The following GRID1 variants were observed in gnomAD, a reference collection of about 807,000 sequenced individuals.
GRID1 encodes glutamate receptor ionotropic, delta-1.
A neutral mutation model predicts 98.0 loss-of-function variants in GRID1; 28 were observed. The ratio of observed to expected loss-of-function variants is 0.29; its 90% confidence interval spans 0.21 to 0.39. GRID1 has a LOEUF of 0.39. GRID1 is among the 10% of genes least tolerant of loss of function. The pLI is 1.00. For synonymous variants in GRID1, 553 were observed against 538.5 expected (o/e 1.03, Z -0.37); for missense variants, 1,111 against 1,340.5 (o/e 0.83, Z 2.67).
At chr10:85,975,975 C>A (rs1842467205) in intron 4 of GRID1, among the ~76,000 whole-genome samples, 1 of 152,158 alleles carries the variant, frequency 6.6e-6, no homozygotes, top group Admixed American at 6.5e-5. Flanking sequence ...CAGGAAGCCC[C>A]AGGAGAGCTC....
At chr10:86,352,393 A>G (rs1472885226) in intron 2 of GRID1, among the ~76,000 whole-genome samples, 1 of 152,214 alleles carries the variant, frequency 6.6e-6, no homozygotes, top group African/African-American at 2.4e-5. Flanking sequence ...CACCATAGAC[A>G]GGTGGATTAA....
At chr10:86,071,506 A>G (rs115392767) in intron 4 of GRID1, among the ~76,000 whole-genome samples, 110 of 152,336 alleles carry the variant, frequency 7.2e-4, no homozygotes, top group African/African-American at 2.5e-3. Flanking sequence ...AATAACTCAG[A>G]TTACAGCCTC....
chr10:86,250,356 G>A (rs529580466), intron 2 of GRID1, among the ~76,000 whole-genome samples: 31 of 152,280 alleles, frequency 2.0e-4, no homozygotes, highest in African/African-American at 6.5e-4. Flanking sequence ...CAGCCCCTCC[G>A]TTTCTACAGT....
chr10:86,060,565 T>C (rs1023669780), intron 4 of GRID1, among the ~76,000 whole-genome samples: 2 of 152,230 alleles, frequency 1.3e-5, no homozygotes, highest in Non-Finnish European at 2.9e-5. Context: ...GCCAGGATTA[T>C]AGCCCCATCT....
At chr10:85,849,931 C>T (rs1193557777) in intron 8 of GRID1, among the ~76,000 whole-genome samples, 2 of 152,176 alleles carry the variant, frequency 1.3e-5, no homozygotes, top group African/African-American at 2.4e-5. Flanking sequence ...TTGGTCCTAA[C>T]TTGATTCTAG....
rs140193050 is a variant in GRID1, at chr10:85,997,156, C to G, written c.727-80917G>C. On this transcript the variant is annotated intron_variant, in intron 4 of 15. Coordinates refer to ENST00000327946, the MANE Select transcript of GRID1 (RefSeq NM_017551.3). The stretch of plus-strand genomic sequence containing the variant: ...GTGGCTCACGCCTGTAATCTCAGCA[C>G]TTTGGGAGGCCGAAGAGGGTTGATC... 4.5e-3 allele frequency among the ~76,000 whole-genome samples: 682 copies of G among 152,266 alleles called. 7 individuals are homozygous for G. The highest frequency in any genetic ancestry group is 0.016 in the African/African-American group (659 of 41,560).
intron 12 of GRID1, among the ~76,000 whole-genome samples, chr10:85,677,996 A>G (rs1841164648): frequency 6.6e-6 from 1 of 152,182 alleles, no homozygotes; most frequent in Non-Finnish European, 1.5e-5. Flanking sequence ...TTTAACTGGC[A>G]CATGTACAGG....
At chr10:86,245,593 T>C (rs1846711810) in intron 2 of GRID1, among the ~76,000 whole-genome samples, 1 of 152,184 alleles carries the variant, frequency 6.6e-6, no homozygotes, top group Admixed American at 6.5e-5. Context: ...ACTCCATTCC[T>C]TGGTGGCCTC....
intron 8 of GRID1, among the ~76,000 whole-genome samples, chr10:85,841,982 C>A (rs377387682): frequency 6.6e-6 from 1 of 152,076 alleles, no homozygotes; most frequent in Non-Finnish European, 1.5e-5. Context: ...TGGGTATATA[C>A]CCCAAGAGTA....
intron 4 of GRID1, among the ~76,000 whole-genome samples, chr10:86,104,505 T>C (rs1364992370): frequency 6.6e-6 from 1 of 152,200 alleles, no homozygotes; most frequent in Non-Finnish European, 1.5e-5. Context: ...ATGCCCACCA[T>C]GCTCAGTGCT....
At chr10:85,824,232 T>C (rs1480105370) in intron 8 of GRID1, among the ~76,000 whole-genome samples, 1 of 152,176 alleles carries the variant, frequency 6.6e-6, no homozygotes, top group African/African-American at 2.4e-5. Flanking sequence ...TCTTGCCTTG[T>C]CGCAAGAGTA....
intron 3 of GRID1, among the ~76,000 whole-genome samples, chr10:86,144,206 G>A (rs1845051835): frequency 6.6e-6 from 1 of 152,138 alleles, no homozygotes; most frequent in South Asian, 2.1e-4. Context: ...GAGCCCCAAA[G>A]AAAATAAATG....
chr10:86,057,349 C>A (rs946207741), intron 4 of GRID1, among the ~76,000 whole-genome samples: 3 of 152,166 alleles, frequency 2.0e-5, no homozygotes, highest in African/African-American at 4.8e-5. Context: ...CACATAGTAA[C>A]CTCCCAGATG....
At position 85,708,824 on chromosome 10, in the gene GRID1, G is replaced by C. The variant is rs538261234; in HGVS notation, c.1997+14179C>G. 195 of 163,974 alleles carry C rather than the reference G, an allele frequency of 1.2e-3. 3 individuals are homozygous for C. In the South Asian group the frequency reaches 0.017, roughly 14 times the overall value. 10.2% of individuals were successfully genotyped at this position (163,974 alleles called of 1,614,324 possible). Reference sequence around the variant, plus strand: ...TTTCAGATATTTTGGAGGATAGACTGTGCAGTGACCTCCACATATGAAATA... The same window carrying C: ...TTTCAGATATTTTGGAGGATAGACTCTGCAGTGACCTCCACATATGAAATA... On this transcript the variant is annotated intron_variant, in intron 12 of 15. Coordinates refer to ENST00000327946, the MANE Select transcript of GRID1 (RefSeq NM_017551.3).
At chr10:86,294,588 G>C (rs1179685135) in intron 2 of GRID1, among the ~76,000 whole-genome samples, 1 of 152,216 alleles carries the variant, frequency 6.6e-6, no homozygotes, top group East Asian at 1.9e-4. Flanking sequence ...CTGAGCACTG[G>C]AGGGAGGGCA....
intron 4 of GRID1, among the ~76,000 whole-genome samples, chr10:86,137,484 A>G (rs1589384194): frequency 1.3e-5 from 2 of 152,326 alleles, no homozygotes; most frequent in East Asian, 3.9e-4. Flanking sequence ...AAGAAGCAAG[A>G]AGGGAGGGGG....
intron 8 of GRID1, among the ~76,000 whole-genome samples, chr10:85,830,467 G>A (rs954667237): frequency 1.3e-5 from 2 of 152,050 alleles, no homozygotes; most frequent in African/African-American, 4.8e-5. Flanking sequence ...GGAGACCTCA[G>A]TAAACTAAGG....
intron 8 of GRID1, among the ~76,000 whole-genome samples, chr10:85,779,859 C>T (rs897837496): frequency 2.6e-5 from 4 of 152,136 alleles, no homozygotes; most frequent in East Asian, 3.9e-4. Context: ...GTGCTTTCTA[C>T]GAAGGCACCA....
chr10:86,064,875 C>T (rs1000621135), intron 4 of GRID1, among the ~76,000 whole-genome samples: 5 of 152,222 alleles, frequency 3.3e-5, no homozygotes, highest in African/African-American at 1.2e-4. Flanking sequence ...TGAAAACTCG[C>T]TGGCCACATG....
Sources: allele counts gnomAD v4.1 joint callset (sites outside exome capture counted in the v4.1 genomes callset), GRCh38; gene constraint gnomAD v4.1.1; transcripts MANE v1.5; gene names NCBI Gene and HGNC (gene_info 2026-07-23, HGNC 2026-07-21).